The following SLC35F3 variants were observed in gnomAD, a reference collection of about 807,000 sequenced individuals.
The protein encoded by SLC35F3 is putative thiamine transporter SLC35F3.
In SLC35F3, 25 loss-of-function variants were observed where a neutral mutation model predicts 49.9. The observed-to-expected ratio is 0.50, with a 90% CI of 0.37 to 0.70. The LOEUF is 0.70. SLC35F3 is among the 30% of genes least tolerant of loss of function. The pLI, the probability that SLC35F3 is intolerant of heterozygous loss-of-function variation, is 0.00. For synonymous variants in SLC35F3, 275 were observed against 265.4 expected (o/e 1.04, Z -0.35); for missense variants, 525 against 639.8 (o/e 0.82, Z 1.94).
intron 2 of SLC35F3, among the ~76,000 whole-genome samples, chr1:233,972,856 C>T (rs1011101889): frequency 1.3e-5 from 2 of 152,208 alleles, no homozygotes; most frequent in African/African-American, 4.8e-5. Flanking sequence ...AAGATTCAGG[C>T]ATTGGGGCCA....
chr1:234,210,190 T>A (rs1667029461), intron 2 of SLC35F3, among the ~76,000 whole-genome samples: 1 of 152,206 alleles, frequency 6.6e-6, no homozygotes, highest in Non-Finnish European at 1.5e-5. Flanking sequence ...CCTCCTTGCC[T>A]TCCAGCATGA....
intron 2 of SLC35F3, among the ~76,000 whole-genome samples, chr1:234,157,141 A>G (rs1460138470): frequency 6.6e-6 from 1 of 152,184 alleles, no homozygotes; most frequent in Non-Finnish European, 1.5e-5. Flanking sequence ...ATAAAACTGT[A>G]ATTTTTAAGA....
rs1665964079 is a variant in SLC35F3 at position 234,144,245 on chromosome 1, G to T, written c.284-87172G>T. 2.0e-5 allele frequency among the ~76,000 whole-genome samples: 3 copies of T among 152,178 alleles called. No homozygotes were observed. In the South Asian group the frequency reaches 6.2e-4, roughly 32 times the overall value. On this transcript the variant is annotated intron_variant, in intron 2 of 7. Transcript: ENST00000366618. ...GGAAACACAGAGATGCTCCATAGTT[G>T]CCTGTTGAGTGTCGGTGCTCTTGGG...
chr1:233,957,690 C>T lies in SLC35F3; in HGVS notation c.283+51932C>T, dbSNP rs1035708589. Among the ~76,000 whole-genome samples the T allele has an allele frequency of 1.3e-5, 2 of 152,054 alleles. No homozygotes were observed. The highest frequency in any genetic ancestry group is 1.3e-4 in the Admixed American group (2 of 15,264). On this transcript the variant is annotated intron_variant, in intron 2 of 7. Transcript: ENST00000366618. This position sits in a 1 kb window ranked among gnomAD's most constrained non-coding sequence, Gnocchi z 4.0. Reference sequence around the variant, plus strand: ...ATTAGTTAGGCATGGTGGTGGGTGCCTGTACTCCCAGCTACTTGGGAGGCT... The same window carrying T: ...ATTAGTTAGGCATGGTGGTGGGTGCTTGTACTCCCAGCTACTTGGGAGGCT...
At chr1:234,062,935 C>T (rs902167868) in intron 2 of SLC35F3, among the ~76,000 whole-genome samples, 11 of 151,736 alleles carry the variant, frequency 7.2e-5, no homozygotes, top group East Asian at 3.9e-4. Context: ...GTGATCCGCC[C>T]GCCTCGGCCT....
At chr1:234,121,858 C>G (rs970558806) in intron 2 of SLC35F3, among the ~76,000 whole-genome samples, 2 of 152,164 alleles carry the variant, frequency 1.3e-5, no homozygotes, top group Admixed American at 1.3e-4. Flanking sequence ...ATGATGGTTT[C>G]CAGCTACATC....
chr1:234,182,608 G>A (rs1666575382), intron 2 of SLC35F3, among the ~76,000 whole-genome samples: 1 of 152,140 alleles, frequency 6.6e-6, no homozygotes, highest in South Asian at 2.1e-4. Context: ...TGGAGCAAAA[G>A]GTAAATTTAT....
chr1:234,272,843 T>C (rs765927639), intron 3 of SLC35F3, among the ~76,000 whole-genome samples: 192 of 152,302 alleles, frequency 1.3e-3, no homozygotes, highest in Non-Finnish European at 2.5e-3. Flanking sequence ...CTTGCCTGGC[T>C]GCTGCTTCTC....
chr1:234,301,360 C>G (rs1236915416), intron 3 of SLC35F3, among the ~76,000 whole-genome samples: 1 of 152,090 alleles, frequency 6.6e-6, no homozygotes, highest in East Asian at 1.9e-4. Context: ...AAAGACAACC[C>G]CATCAAAAAG....
chr1:233,911,156 G>C (rs183380413), intron 2 of SLC35F3, among the ~76,000 whole-genome samples: 1 of 152,194 alleles, frequency 6.6e-6, no homozygotes, highest in Non-Finnish European at 1.5e-5. Flanking sequence ...TCTTCCTAGC[G>C]TCCCTGTTAG....
intron 2 of SLC35F3, among the ~76,000 whole-genome samples, chr1:234,132,926 G>A (rs1458400011): frequency 2.0e-5 from 3 of 152,136 alleles, no homozygotes; most frequent in African/African-American, 4.8e-5. Context: ...ACTCTGTGCT[G>A]GACACTGTTC....
intron 3 of SLC35F3, among the ~76,000 whole-genome samples, chr1:234,274,800 C>T (rs913158933): frequency 7.9e-5 from 12 of 152,192 alleles, no homozygotes; most frequent in Non-Finnish European, 1.5e-4. Flanking sequence ...TATACAAAAG[C>T]AGACAGAATT....
intron 2 of SLC35F3, among the ~76,000 whole-genome samples, chr1:234,023,819 G>GA (rs34417792): frequency 0.15 from 21,178 of 142,080 alleles, 1,643 homozygotes; most frequent in Non-Finnish European, 0.19. Context: ...ATCTAGTTCT[G>GA]AAAAAAAAAA....
chr1:234,016,178 A>T (rs928804524), intron 2 of SLC35F3, among the ~76,000 whole-genome samples: 1 of 152,176 alleles, frequency 6.6e-6, no homozygotes, highest in African/African-American at 2.4e-5. Context: ...AGAAAAAGGA[A>T]CCCTTGTGCA....
chr1:233,923,577 A>G (rs908635551), intron 2 of SLC35F3, among the ~76,000 whole-genome samples: 9 of 152,194 alleles, frequency 5.9e-5, no homozygotes, highest in African/African-American at 1.9e-4. Context: ...TAAATATACA[A>G]TCATGTCATC....
rs114040007 is a variant in SLC35F3, at chr1:233,948,977, T to C, written c.283+43219T>C. Among the ~76,000 whole-genome samples the C allele has an allele frequency of 8.3e-3, 1,263 of 152,222 alleles. 5 individuals are homozygous for C. Among genetic ancestry groups the C allele is most frequent in the Non-Finnish European group, 0.013 (863 of 68,014 alleles). ...CCAGGAAGAACTTGCTGAGCTGGCATGAGGACACACAGCTGGTGGTGGAAC... is the reference window on the plus strand; with the variant it reads ...CCAGGAAGAACTTGCTGAGCTGGCACGAGGACACACAGCTGGTGGTGGAAC... On this transcript the variant is annotated intron_variant, in intron 2 of 7. Transcript: ENST00000366618.
intron 2 of SLC35F3, among the ~76,000 whole-genome samples, chr1:234,176,207 T>A (rs934578994): frequency 9.9e-5 from 15 of 152,162 alleles, no homozygotes; most frequent in Admixed American, 7.9e-4. Flanking sequence ...TTCTCCACAC[T>A]CTGCTGCACT....
intron 2 of SLC35F3, among the ~76,000 whole-genome samples, chr1:233,987,635 T>A (rs1306916539): frequency 6.6e-6 from 1 of 152,178 alleles, no homozygotes; most frequent in Non-Finnish European, 1.5e-5. Flanking sequence ...TTGCTGGCTA[T>A]CTGGTGGAAT....
chr1:233,999,263 G>A (rs954888154), intron 2 of SLC35F3, among the ~76,000 whole-genome samples: 25 of 152,218 alleles, frequency 1.6e-4, no homozygotes, highest in African/African-American at 5.8e-4. Flanking sequence ...GGATATTTTA[G>A]CACCAATTCC....
Sources: gnomAD v4.1 joint callset for allele counts (sites outside exome capture counted in the v4.1 genomes callset) on GRCh38, gnomAD v4.1.1 for gene constraint, Gnocchi (gnomAD v3.1) non-coding constraint, MANE v1.5 for transcripts, NCBI Gene and HGNC (gene_info 2026-07-23, HGNC 2026-07-21) for gene names.